CEP57L1: variants seen among roughly 807,000 people sequenced by gnomAD.
The protein encoded by CEP57L1 is centrosomal protein 57 like 1.
In CEP57L1, 37 loss-of-function variants were observed where a neutral mutation model predicts 61.0. The observed-to-expected ratio is 0.61, with a 90% confidence interval of 0.47 to 0.80. The LOEUF is 0.80. Ranked by LOEUF, CEP57L1 falls within the 30% of genes least tolerant of loss-of-function variation. The pLI, the probability that CEP57L1 is intolerant of heterozygous loss-of-function variation, is 0.00. For missense variants in CEP57L1, 422 were observed against 524.7 expected, an observed-to-expected ratio of 0.80 and a Z score of 1.91; for synonymous variants, 137 against 162.3, an observed-to-expected ratio of 0.84 and a Z score of 1.19.
Position 109,172,924 on chromosome 6 carries a change from A to G in CEP57L1, c.*9954A>G, listed in dbSNP as rs1186018481. ...ATGTGTAAGATACTGCCCACATACT[A>G]TACTGAAGTCAGGAACCAAGAACCG... On this transcript the variant is annotated 3_prime_UTR_variant, in exon 11 of 11. Coordinates refer to ENST00000517392, the MANE Select transcript of CEP57L1 (RefSeq NM_001271852.3). Among the ~76,000 whole-genome samples, 1 of 152,210 alleles carries G rather than the reference A, an allele frequency of 6.6e-6. No individual in the cohort carries two copies. Among genetic ancestry groups the G allele is most frequent in the Non-Finnish European group, 1.5e-5 (1 of 68,038 alleles).
chr6:109,171,721 A>C lies in CEP57L1; in HGVS notation c.*8751A>C, dbSNP rs1282245046. Among the ~76,000 whole-genome samples the C allele has an allele frequency of 6.6e-6, 1 of 152,240 alleles. No individual in the cohort carries two copies. The highest frequency in any genetic ancestry group is 6.5e-5 in the Admixed American group (1 of 15,282). ...CAGGCTTATCAAATTAAAAAATGAA[A>C]AAACCTACAAAATTACCAAAGTCAC... On this transcript the variant is annotated 3_prime_UTR_variant, in exon 11 of 11. Transcript: ENST00000517392.
At chr6:109,106,557 T>A (rs1002686481) in intron 1 of CEP57L1, among the ~76,000 whole-genome samples, 1 of 152,216 alleles carries the variant, frequency 6.6e-6, no homozygotes, top group Non-Finnish European at 1.5e-5. Flanking sequence ...AGACTTTGAG[T>A]TTAACTTACA....
intron 1 of CEP57L1, among the ~76,000 whole-genome samples, chr6:109,141,137 C>A (rs942249879): frequency 6.6e-5 from 10 of 151,792 alleles, no homozygotes; most frequent in Non-Finnish European, 1.5e-4. Flanking sequence ...GCTGCGTTTT[C>A]TTTATTTGAC....
At chr6:109,158,576 G>A in intron 7 of CEP57L1, 1 of 454,250 alleles carries the variant, frequency 2.2e-6, no homozygotes, top group East Asian at 7.0e-5. Context: ...GTTTTTATGT[G>A]AACATAAGTT....
intron 1 of CEP57L1, among the ~76,000 whole-genome samples, chr6:109,133,036 ACTGT>A (rs1467049233): frequency 6.6e-6 from 1 of 152,164 alleles, no homozygotes; most frequent in Non-Finnish European, 1.5e-5. Flanking sequence ...GCCAAGTTAG[ACTGT>A]CTGAGAATTA....
At chr6:109,107,172 C>T (rs1562499185) in intron 1 of CEP57L1, among the ~76,000 whole-genome samples, 1 of 152,122 alleles carries the variant, frequency 6.6e-6, no homozygotes, top group Admixed American at 6.5e-5. Flanking sequence ...ATAAATTAGA[C>T]TTATATTTTT....
At position 109,165,778 on chromosome 6, in the gene CEP57L1, CA is replaced by C. The variant is rs1197354726; in HGVS notation, c.*2809del. 4.6e-5 allele frequency: 7 copies of C among 152,212 alleles called. No homozygotes were observed. Among genetic ancestry groups the C allele is most frequent in the African/African-American group, 1.7e-4 (7 of 41,438 alleles). The allele number at this position is 152,212 out of a possible 1,614,324, so 9.4% of individuals were successfully genotyped here. ...CTGCTTGCCAGAGCCTTTGACTCCT[CA>C]GGGGGTGGAGCAAAAGATTTCTTTC... On this transcript the variant is annotated 3_prime_UTR_variant, in exon 11 of 11. Transcript: ENST00000517392.
rs1175284040 is a variant in CEP57L1, at chr6:109,165,826, T to C, written c.*2856T>C. ...TTTCCTGGATGGAGCAGTCAGTCTA[T>C]GGTCAGTGTAAGAGTTGCTGTAGCA... On this transcript the variant is annotated 3_prime_UTR_variant, in exon 11 of 11. Coordinates refer to ENST00000517392, the MANE Select transcript of CEP57L1 (RefSeq NM_001271852.3). The C allele has an allele frequency of 6.6e-6, 1 of 152,248 alleles. No individual in the cohort carries two copies. The highest frequency in any genetic ancestry group is 2.1e-4 in the South Asian group (1 of 4,836). 9.4% of individuals were successfully genotyped at this position (152,248 alleles called of 1,614,324 possible).
chr6:109,121,260 A>G (rs1772938245), intron 1 of CEP57L1, among the ~76,000 whole-genome samples: 3 of 152,124 alleles, frequency 2.0e-5, no homozygotes, highest in South Asian at 2.1e-4. Context: ...TCATCTAGCA[A>G]CTCATTTGGA....
rs1262803677 is a variant in CEP57L1, at chr6:109,168,416, TA to T, written c.*5447del. Among the ~76,000 whole-genome samples, 2 of 152,188 alleles carry T rather than the reference TA, an allele frequency of 1.3e-5. No homozygotes were observed. The highest frequency in any genetic ancestry group is 1.3e-4 in the Admixed American group (2 of 15,282). On this transcript the variant is annotated 3_prime_UTR_variant, in exon 11 of 11. Coordinates refer to ENST00000517392, the MANE Select transcript of CEP57L1 (RefSeq NM_001271852.3). Reference sequence around the variant, plus strand: ...GAAAGGTTATATTCTAGAGGCCAAGTATTGACTTGCACAGAATTGTGTAAAT... The same window carrying T: ...GAAAGGTTATATTCTAGAGGCCAAGTTTGACTTGCACAGAATTGTGTAAAT...
At position 109,155,272 on chromosome 6, in the gene CEP57L1, C is replaced by G. The variant is rs1773100634; in HGVS notation, c.622C>G (p.His208Asp). ...HLEEKLKEEE[H>D]QRKLFQDKAS... ...AGAAGAAAAACTTAAGGAAGAAGAA[C>G]ATCAGCGTAAGCTATTTCAAGACAA... is the stretch of plus-strand genomic sequence containing the variant. The change falls in exon 6 of 11, where the codon CAT becomes GAT. Residue 208 changes from histidine (H) to aspartate (D), a missense_variant. His to Asp is a moderately conservative substitution (Grantham distance 81). Coordinates refer to ENST00000517392, the MANE Select transcript of CEP57L1 (RefSeq NM_001271852.3). 2 of 1,596,898 alleles carry G rather than the reference C, an allele frequency of 1.3e-6. No homozygotes were observed. The highest frequency in any genetic ancestry group is 3.4e-5 in the Admixed American group (2 of 58,346).
In CEP57L1 at chr6:109,162,996, T is replaced by C. The variant is rs773005253; in HGVS notation, c.*26T>C. The C allele has an allele frequency of 4.7e-6, 7 of 1,483,360 alleles. No homozygotes were observed. Among genetic ancestry groups the C allele is most frequent in the Non-Finnish European group, 4.7e-6 (5 of 1,065,580 alleles). The allele number at this position is 1,483,360 out of a possible 1,614,324, so 91.9% of individuals were successfully genotyped here. A position where few individuals can be genotyped will look rare whatever the true frequency, so the allele number is the denominator to read the frequency against. On this transcript the variant is annotated 3_prime_UTR_variant, in exon 11 of 11. Coordinates refer to ENST00000517392, the MANE Select transcript of CEP57L1 (RefSeq NM_001271852.3). ...CAAAACAGCAAAACTGTCACCTTAA[T>C]GAACTTTGTCAGTGAGACCTTGAAT...
At chr6:109,095,666 G>GCT in intron 1 of CEP57L1, 91 bp downstream of exon 1, 13 of 841,396 alleles carry the variant, frequency 1.5e-5, no homozygotes, top group Non-Finnish European at 1.9e-5. Flanking sequence ...AGCCATCTAG[G>GCT]GTGGCCTCCC....
At chr6:109,112,910 G>A (rs1422921330) in intron 1 of CEP57L1, among the ~76,000 whole-genome samples, 3 of 152,200 alleles carry the variant, frequency 2.0e-5, no homozygotes, top group African/African-American at 7.2e-5. Context: ...TGCATTTGCT[G>A]AGGAGTGTTT....
intron 1 of CEP57L1, among the ~76,000 whole-genome samples, chr6:109,096,009 A>G (rs1781655884): frequency 6.6e-6 from 1 of 152,304 alleles, no homozygotes; most frequent in Non-Finnish European, 1.5e-5. Context: ...TGTCAAATCC[A>G]TCTCGTAAAA....
chr6:109,160,805 T>G lies in CEP57L1; in HGVS notation c.1161+89T>G, dbSNP rs928611352. The G allele has an allele frequency of 6.1e-6, 8 of 1,304,106 alleles. No individual in the cohort carries two copies. The African/African-American group carries it at 1.2e-4, about 20-fold the overall frequency. 80.8% of individuals were successfully genotyped at this position (1,304,106 alleles called of 1,614,324 possible). A position where few individuals can be genotyped will look rare whatever the true frequency, so the allele number is the denominator to read the frequency against. On this transcript the variant is annotated intron_variant, in intron 10 of 10. Transcript: ENST00000517392. ...TCTGTATGACTTTCCAAATTTGAGGTCTGTATATGGGATTTAGTGAAAAGA... is the reference window on the plus strand; with the variant it reads ...TCTGTATGACTTTCCAAATTTGAGGGCTGTATATGGGATTTAGTGAAAAGA...
At chr6:109,152,636 CGTGTGT>C (rs59562316) in intron 4 of CEP57L1, among the ~76,000 whole-genome samples, 7,594 of 145,058 alleles carry the variant, frequency 0.052, 255 homozygotes, top group South Asian at 0.088. Context: ...GATGTGCGTG[CGTGTGT>C]GTGTGTGTGT....
In CEP57L1 at chr6:109,105,580, A is replaced by G. The variant is rs139559267; in HGVS notation, c.-4+10005A>G. ...CCACTATTTTAATGACTGAAGTACC[A>G]TAATCAGTCTTAATAACTAGAAAAA... On this transcript the variant is annotated intron_variant, in intron 1 of 10. Coordinates refer to ENST00000517392, the MANE Select transcript of CEP57L1 (RefSeq NM_001271852.3). 5.4e-3 allele frequency among the ~76,000 whole-genome samples: 827 copies of G among 152,308 alleles called. 9 individuals carry two copies. Among genetic ancestry groups the G allele is most frequent in the African/African-American group, 0.018 (734 of 41,558 alleles).
rs1189459449 is a variant in CEP57L1, at chr6:109,149,600, G to A, written c.341-518G>A. 6.3e-3 allele frequency among the ~76,000 whole-genome samples: 949 copies of A among 151,550 alleles called. 12 individuals are homozygous for A. The highest frequency in any genetic ancestry group is 0.022 in the African/African-American group (892 of 41,374). The stretch of plus-strand genomic sequence containing the variant: ...TGGCTTAGGATTGACTTGGCAATGC[G>A]GGCTCTTTTTTGGTTCCATATGAAC... On this transcript the variant is annotated intron_variant, in intron 3 of 10. Coordinates refer to ENST00000517392, the MANE Select transcript of CEP57L1 (RefSeq NM_001271852.3).
Sources: allele counts gnomAD v4.1 joint callset (sites outside exome capture counted in the v4.1 genomes callset), GRCh38; gene constraint gnomAD v4.1.1; transcripts MANE v1.5; gene names NCBI Gene and HGNC (gene_info 2026-07-23, HGNC 2026-07-21).